Variants in MYOZ2 observed in about 807,000 individuals in gnomAD.
MYOZ2 encodes the protein myozenin 2, also known as myozenin-2.
MYOZ2 carries 19 observed loss-of-function variants against 25.4 expected under a neutral mutation model. That is an observed-to-expected ratio of 0.75 (90% CI 0.52 to 1.10). The LOEUF (loss-of-function observed/expected upper bound fraction) is 1.10, where lower values mean the gene tolerates loss of function less well. Ranked by LOEUF, MYOZ2 falls within the 50% of genes least tolerant of loss-of-function variation. The probability of loss-of-function intolerance (pLI) is 0.00; values close to 1 mark genes in which losing one functional copy is unlikely to be tolerated. For missense variants in MYOZ2, 270 were observed against 317.9 expected, an observed-to-expected ratio of 0.85 and a Z score of 1.15; for synonymous variants, 92 against 106.9, an observed-to-expected ratio of 0.86 and a Z score of 0.86.
intron 3 of MYOZ2, among the ~76,000 whole-genome samples, chr4:119,154,678 A>C (rs1229563361): frequency 1.3e-5 from 2 of 152,172 alleles, no homozygotes; most frequent in Non-Finnish European, 2.9e-5. Flanking sequence ...TTATACATTT[A>C]AACTTCCTAA....
rs548638544 is a variant in MYOZ2, at chr4:119,171,142, A to G, written c.560+6748A>G. On this transcript the variant is annotated intron_variant, in intron 5 of 5. Coordinates refer to ENST00000307128, the MANE Select transcript of MYOZ2 (RefSeq NM_016599.5). The stretch of plus-strand genomic sequence containing the variant: ...GCTGTTTGTTTACCCCTGCCAAACA[A>G]TAATACAAGAGTAATAAATAAAAGG... Among the ~76,000 whole-genome samples, 3 of 152,290 alleles carry G rather than the reference A, an allele frequency of 2.0e-5. No individual in the cohort carries two copies. In the East Asian group the frequency reaches 5.8e-4, roughly 29 times the overall value.
chr4:119,164,253 A>T lies in MYOZ2; in HGVS notation c.419A>T (p.Asn140Ile), dbSNP rs745351307. ...PLKEIPPEKF[N>I]TTAVPKYYQS... ...AAGGAAATTCCTCCTGAAAAATTCA[A>T]CACCACAGCTGTCCCTAAGTACTAT... Residue 140 changes from asparagine (N) to isoleucine (I), a missense_variant, in exon 5 of 6, where the codon AAC becomes ATC. Asn to Ile is a moderately radical substitution (Grantham distance 149). Transcript: ENST00000307128. The T allele has an allele frequency of 6.2e-7, 1 of 1,613,934 alleles. No homozygotes were observed. The highest frequency in any genetic ancestry group is 2.2e-5 in the East Asian group (1 of 44,866).
intron 3 of MYOZ2, among the ~76,000 whole-genome samples, chr4:119,155,259 A>G (rs942133577): frequency 6.6e-6 from 1 of 152,230 alleles, no homozygotes; most frequent in African/African-American, 2.4e-5. Context: ...ATGAAATTTC[A>G]GCATGAGATT....
intron 5 of MYOZ2, among the ~76,000 whole-genome samples, chr4:119,177,458 T>C (rs1468396539): frequency 1.3e-5 from 2 of 152,142 alleles, no homozygotes; most frequent in African/African-American, 4.8e-5. Flanking sequence ...ACAATTCAAA[T>C]TTTCTAGGAC....
chr4:119,140,878 G>C (rs1741146519), intron 2 of MYOZ2, among the ~76,000 whole-genome samples: 1 of 152,032 alleles, frequency 6.6e-6, no homozygotes, highest in African/African-American at 2.4e-5. Flanking sequence ...AATAGCCTTA[G>C]AACTCAAATC....
intron 3 of MYOZ2, among the ~76,000 whole-genome samples, chr4:119,157,057 T>C (rs2149223106): frequency 6.6e-6 from 1 of 152,290 alleles, no homozygotes; most frequent in African/African-American, 2.4e-5. Flanking sequence ...AATGTAAAGG[T>C]ATATTTCATC....
intron 5 of MYOZ2, 143 bp from the exon 6 acceptor site, chr4:119,185,823 G>C (rs768965940): frequency 1.4e-6 from 1 of 708,910 alleles, no homozygotes; most frequent in African/African-American, 1.8e-5. Context: ...CAAAATGACA[G>C]TCATTCATAG....
intron 2 of MYOZ2, among the ~76,000 whole-genome samples, chr4:119,142,879 G>A (rs1204776073): frequency 6.6e-6 from 1 of 152,160 alleles, no homozygotes; most frequent in East Asian, 1.9e-4. Flanking sequence ...TGTAACAACT[G>A]ATGAACCAAT....
At chr4:119,171,539 G>A (rs1233249611) in intron 5 of MYOZ2, among the ~76,000 whole-genome samples, 1 of 151,374 alleles carries the variant, frequency 6.6e-6, no homozygotes, top group Non-Finnish European at 1.5e-5. Flanking sequence ...TTAAAATAGA[G>A]GCTAAAATAA....
chr4:119,178,556 A>G (rs1434060166), intron 5 of MYOZ2, among the ~76,000 whole-genome samples: 1 of 152,004 alleles, frequency 6.6e-6, no homozygotes, highest in African/African-American at 2.4e-5. Context: ...CCTTAATTCC[A>G]TTTTCACCTT....
chr4:119,150,769 AT>A lies in MYOZ2; in HGVS notation c.77-101del, dbSNP rs1440288844. 2.6e-6 allele frequency: 3 copies of A among 1,145,216 alleles called. No individual in the cohort carries two copies. The African/African-American group carries it at 4.7e-5, about 18-fold the overall frequency. The allele number at this position is 1,145,216 out of a possible 1,614,324, so 70.9% of individuals were successfully genotyped here. On this transcript the variant is annotated intron_variant, in intron 2 of 5. Coordinates refer to ENST00000307128, the MANE Select transcript of MYOZ2 (RefSeq NM_016599.5). ...AGAGAAAATAAATGACATACTTATG[AT>A]TATGCAATTAGAAAGTGGTGGAATT... is the stretch of plus-strand genomic sequence containing the variant.
At chr4:119,164,950 T>C (rs190115480) in intron 5 of MYOZ2, among the ~76,000 whole-genome samples, 1 of 151,940 alleles carries the variant, frequency 6.6e-6, no homozygotes, top group Non-Finnish European at 1.5e-5. Flanking sequence ...AGAATGGGCA[T>C]CCATTTTTCT....
intron 5 of MYOZ2, among the ~76,000 whole-genome samples, chr4:119,185,303 C>A (rs116022888): frequency 0.014 from 2,057 of 152,072 alleles, 54 homozygotes; most frequent in African/African-American, 0.047. Context: ...AGCCAATGCA[C>A]CCAGCAGGGA....
At chr4:119,147,539 G>A (rs927466095) in intron 2 of MYOZ2, among the ~76,000 whole-genome samples, 40 of 151,840 alleles carry the variant, frequency 2.6e-4, no homozygotes, top group African/African-American at 9.2e-4. Context: ...TCAGGAGTTC[G>A]AGACCAGCCT....
intron 5 of MYOZ2, among the ~76,000 whole-genome samples, chr4:119,184,673 C>T (rs911848991): frequency 6.6e-6 from 1 of 152,208 alleles, no homozygotes; most frequent in African/African-American, 2.4e-5. Context: ...ACACTTGAAA[C>T]TCTGTCTGGC....
At chr4:119,165,739 T>G (rs566821994) in intron 5 of MYOZ2, among the ~76,000 whole-genome samples, 179 of 131,858 alleles carry the variant, frequency 1.4e-3, no homozygotes, top group Non-Finnish European at 2.0e-3. Context: ...AAGTAAAACA[T>G]TAGGGGAAAA....
Position 119,186,743 on chromosome 4 carries a change from A to G in MYOZ2, c.*543A>G, listed in dbSNP as rs923025531. The G allele has an allele frequency of 1.3e-5, 2 of 153,532 alleles. No homozygotes were observed. The highest frequency in any genetic ancestry group is 4.8e-5 in the African/African-American group (2 of 41,468). 9.5% of individuals were successfully genotyped at this position (153,532 alleles called of 1,614,324 possible). A position where few individuals can be genotyped will look rare whatever the true frequency, so the allele number is the denominator to read the frequency against. On this transcript the variant is annotated 3_prime_UTR_variant, in exon 6 of 6. Coordinates refer to ENST00000307128, the MANE Select transcript of MYOZ2 (RefSeq NM_016599.5). ...CTCTTAGAATTCTAAAGTGCTTTGC[A>G]CTTTTCAATATGTTTTGAATCATTA...
At chr4:119,160,434 A>G (rs909791130) in intron 4 of MYOZ2, among the ~76,000 whole-genome samples, 1 of 152,064 alleles carries the variant, frequency 6.6e-6, no homozygotes, top group Admixed American at 6.6e-5. Flanking sequence ...ACTGTACACT[A>G]TGGAATCACA....
At chr4:119,169,216 CTA>C (rs1741897477) in intron 5 of MYOZ2, among the ~76,000 whole-genome samples, 1 of 152,164 alleles carries the variant, frequency 6.6e-6, no homozygotes, top group African/African-American at 2.4e-5. Context: ...GGACACAATG[CTA>C]TAGATAGTTG....
Sources: allele counts gnomAD v4.1 joint callset (sites outside exome capture counted in the v4.1 genomes callset), GRCh38; gene constraint gnomAD v4.1.1; transcripts MANE v1.5; gene names NCBI Gene and HGNC (gene_info 2026-07-23, HGNC 2026-07-21).